TMEM272: variants seen among roughly 807,000 people sequenced by gnomAD.
TMEM272 encodes the protein transmembrane protein 272, also known as long intergenic non-protein coding RNA 282.
A neutral mutation model predicts 3.7 loss-of-function variants in TMEM272; 8 were observed. That is an observed-to-expected ratio of 2.17 (90% CI 1.27 to 3.91). TMEM272 has a LOEUF of 3.91. Among genes scored for constraint, TMEM272 ranks in the 30% most tolerant of loss-of-function variants. The probability of loss-of-function intolerance (pLI) is 0.00; values close to 1 mark genes in which losing one functional copy is unlikely to be tolerated. For synonymous variants in TMEM272, 63 were observed against 39.8 expected (o/e 1.58, Z -2.20); for missense variants, 166 against 91.5 (o/e 1.81, Z -3.32).
chr13:51,930,819 G>T, the TMEM272 span, among the ~76,000 whole-genome samples: 3 of 149,166 alleles, frequency 2.0e-5, no homozygotes, highest in Non-Finnish European at 4.4e-5. Flanking sequence ...GCTGATTTTG[G>T]TCTATGCTGG....
intron 2 of TMEM272, among the ~76,000 whole-genome samples, chr13:51,835,476 G>C (rs375683346): frequency 1.3e-5 from 2 of 151,930 alleles, no homozygotes; most frequent in Admixed American, 1.3e-4. Context: ...TGCTCGCCTC[G>C]GTCTCCCAAA....
the TMEM272 span, chr13:51,908,843 T>C: frequency 7.0e-7 from 1 of 1,436,936 alleles, no homozygotes; most frequent in South Asian, 1.1e-5. Context: ...CCCACGGAGG[T>C]GACAGGGGCC....
chr13:51,929,040 T>C, the TMEM272 span, among the ~76,000 whole-genome samples: 1 of 152,000 alleles, frequency 6.6e-6, no homozygotes, highest in South Asian at 2.1e-4. Flanking sequence ...CTATTAAAAA[T>C]ACAAAAATTA....
the TMEM272 span, among the ~76,000 whole-genome samples, chr13:51,928,103 G>A: frequency 6.6e-6 from 1 of 151,966 alleles, no homozygotes; most frequent in South Asian, 2.1e-4. Flanking sequence ...AAGAGAACTG[G>A]GGGTCTGGCC....
the TMEM272 span, among the ~76,000 whole-genome samples, chr13:51,884,188 C>G: frequency 6.6e-6 from 1 of 152,112 alleles, no homozygotes; most frequent in Non-Finnish European, 1.5e-5. Flanking sequence ...CTAGAAAAGG[C>G]TATCCTCCCA....
chr13:51,870,682 T>C, the TMEM272 span, among the ~76,000 whole-genome samples: 1 of 152,202 alleles, frequency 6.6e-6, no homozygotes, highest in South Asian at 2.1e-4. Flanking sequence ...ATAATAAATC[T>C]GAATTCTAAG....
At chr13:51,904,442 G>T in the TMEM272 span, among the ~76,000 whole-genome samples, 3 of 152,244 alleles carry the variant, frequency 2.0e-5, 1 homozygote, top group Non-Finnish European at 4.4e-5. Context: ...TGATCATGAT[G>T]AGTCAGATCT....
intron 2 of TMEM272, among the ~76,000 whole-genome samples, chr13:51,830,809 C>G (rs1322481711): frequency 6.6e-6 from 1 of 152,150 alleles, no homozygotes; most frequent in East Asian, 1.9e-4. Context: ...TACTCCCTGG[C>G]CCTGTTCTCA....
At chr13:51,889,543 C>T in the TMEM272 span, among the ~76,000 whole-genome samples, 7 of 152,144 alleles carry the variant, frequency 4.6e-5, no homozygotes, top group African/African-American at 1.7e-4. Flanking sequence ...CCTGCCGGCA[C>T]CTTGATCTTG....
chr13:51,924,719 T>G, the TMEM272 span, among the ~76,000 whole-genome samples: 1 of 151,890 alleles, frequency 6.6e-6, no homozygotes, highest in African/African-American at 2.4e-5. Context: ...TCATCCCCTT[T>G]CCCGCTCTCC....
At chr13:51,909,830 G>A in the TMEM272 span, 68 of 1,589,252 alleles carry the variant, frequency 4.3e-5, no homozygotes, top group African/African-American at 3.4e-4. Flanking sequence ...TCAGAGTCTC[G>A]ATGTGATTTT....
the TMEM272 span, among the ~76,000 whole-genome samples, chr13:51,869,047 A>T: frequency 6.6e-6 from 1 of 152,354 alleles, no homozygotes. Flanking sequence ...GTTTATCTCC[A>T]GGAAAGGGGC....
At position 51,816,031 on chromosome 13, in the gene TMEM272, A is replaced by G. The variant is rs982391930; in HGVS notation, c.*720T>C. 1 of 152,416 alleles carries G rather than the reference A, an allele frequency of 6.6e-6. No individual in the cohort carries two copies. The highest frequency in any genetic ancestry group is 2.4e-5 in the African/African-American group (1 of 41,478). The allele number at this position is 152,416 out of a possible 1,614,324, so 9.4% of individuals were successfully genotyped here. A position where few individuals can be genotyped will look rare whatever the true frequency, so the allele number is the denominator to read the frequency against. On this transcript the variant is annotated 3_prime_UTR_variant, in exon 5 of 5. Transcript: ENST00000629372. ...AGAGGCAGAGACAGACTCAAGGCCA[A>G]GCAAAGAACCTGCAGCAGCGGCACA...
the TMEM272 span, among the ~76,000 whole-genome samples, chr13:51,895,712 TG>T: frequency 6.6e-6 from 1 of 152,016 alleles, no homozygotes; most frequent in African/African-American, 2.4e-5. Context: ...TGCCCTGGGA[TG>T]GGGGAAAAAA....
At chr13:51,909,228 C>A in the TMEM272 span, 1 of 1,240,070 alleles carries the variant, frequency 8.1e-7, no homozygotes, top group African/African-American at 1.5e-5. Context: ...TTCAGCAGTC[C>A]ATGCTGCCAA....
At chr13:51,831,679 G>C (rs1315763448) in intron 2 of TMEM272, among the ~76,000 whole-genome samples, 1 of 152,246 alleles carries the variant, frequency 6.6e-6, no homozygotes, top group South Asian at 2.1e-4. Flanking sequence ...TGATCCCCCT[G>C]CCTCCTGGGG....
the TMEM272 span, among the ~76,000 whole-genome samples, chr13:51,857,653 G>C: frequency 6.6e-6 from 1 of 152,014 alleles, no homozygotes; most frequent in Admixed American, 6.5e-5. Context: ...TGACATAATA[G>C]AGGAAAATGG....
the TMEM272 span, among the ~76,000 whole-genome samples, chr13:51,924,648 C>T: frequency 6.6e-6 from 1 of 152,120 alleles, no homozygotes; most frequent in African/African-American, 2.4e-5. Flanking sequence ...GCTGTGCCTG[C>T]TTCCTTCCGT....
upstream of TMEM272, among the ~76,000 whole-genome samples, chr13:51,848,119 C>T (rs1245148823): frequency 1.3e-5 from 2 of 152,076 alleles, no homozygotes; most frequent in South Asian, 2.1e-4. Flanking sequence ...ACAAGAGCCA[C>T]GGAAGAGCTG....
Sources: gnomAD v4.1 joint callset for allele counts (sites outside exome capture counted in the v4.1 genomes callset) on GRCh38, gnomAD v4.1.1 for gene constraint, MANE v1.5 for transcripts, NCBI Gene and HGNC (gene_info 2026-07-23, HGNC 2026-07-21) for gene names.